Variants in QRSL1 observed in about 807,000 individuals in gnomAD.
QRSL1 encodes glutaminyl-tRNA amidotransferase subunit QRSL1.
Under a neutral mutation model 61.6 loss-of-function variants are expected in QRSL1, and 54 were observed. That is an observed-to-expected ratio of 0.88 (90% CI 0.70 to 1.10). The LOEUF (loss-of-function observed/expected upper bound fraction) is 1.10. Among genes scored for constraint, QRSL1 ranks in the 50% least tolerant of loss-of-function variants. The pLI, the probability that QRSL1 is intolerant of heterozygous loss-of-function variation, is 0.00. For missense variants in QRSL1, 505 were observed against 622.6 expected (o/e 0.81, Z 2.01); for synonymous variants, 228 against 225.7 (o/e 1.01, Z -0.09).
At chr6:106,638,146 A>G (rs1217065409) in intron 1 of QRSL1, among the ~76,000 whole-genome samples, 1 of 152,136 alleles carries the variant, frequency 6.6e-6, no homozygotes, top group African/African-American at 2.4e-5. Flanking sequence ...GGGCCTGCCT[A>G]CGTATATTTG....
intron 7 of QRSL1, 118 bp from the exon 8 acceptor site, chr6:106,654,612 G>A: frequency 2.4e-6 from 2 of 827,792 alleles, no homozygotes; most frequent in Non-Finnish European, 3.7e-6. Context: ...ATTTTCTAAT[G>A]TATTACCAAA....
intron 9 of QRSL1, among the ~76,000 whole-genome samples, chr6:106,657,216 C>A (rs560146037): frequency 2.0e-5 from 3 of 151,912 alleles, no homozygotes; most frequent in Non-Finnish European, 4.4e-5. Context: ...TTGCAGTGAG[C>A]CAAGATCGTG....
At position 106,629,668 on chromosome 6, in the gene QRSL1, TG is replaced by T; in HGVS notation, c.-11del. 3 of 1,604,016 alleles carry T rather than the reference TG, an allele frequency of 1.9e-6. No individual in the cohort carries two copies. The highest frequency in any genetic ancestry group is 1.1e-5 in the South Asian group (1 of 88,654). Reference sequence around the variant, plus strand: ...TTGCCTGGCTCCTGTGGTGGCAGGCTGGGCACGAGGACCATGCTGGGCCGGA... The same window carrying T: ...TTGCCTGGCTCCTGTGGTGGCAGGCTGGCACGAGGACCATGCTGGGCCGGA... On this transcript the variant is annotated 5_prime_UTR_variant, in exon 1 of 11. Coordinates refer to ENST00000369046, the MANE Select transcript of QRSL1 (RefSeq NM_018292.5).
chr6:106,652,631 G>A, intron 7 of QRSL1, 49 bp downstream of exon 7: 6 of 1,611,592 alleles, frequency 3.7e-6, no homozygotes, highest in Non-Finnish European at 5.1e-6. Flanking sequence ...AAGTCCAATA[G>A]AGAGCACAGA....
chr6:106,661,257 G>C (rs1777351395), intron 9 of QRSL1, among the ~76,000 whole-genome samples: 1 of 152,018 alleles, frequency 6.6e-6, no homozygotes. Flanking sequence ...GGGACTACAG[G>C]CGCCCACCAC....
At position 106,658,097 on chromosome 6, in the gene QRSL1, C is replaced by A. The variant is rs577277042; in HGVS notation, c.1160+2365C>A. Among the ~76,000 whole-genome samples the A allele has an allele frequency of 1.5e-3, 222 of 152,154 alleles. 3 individuals carry two copies. In the South Asian group the frequency reaches 0.044, roughly 30 times the overall value. ...TTATCTTCTGTTTGTCCCATCTGTT[C>A]TTTTTTCTTTTAACCTTTTCTTCTG... On this transcript the variant is annotated intron_variant, in intron 9 of 10. Transcript: ENST00000369046.
chr6:106,645,262 G>A (rs957653239), intron 4 of QRSL1, among the ~76,000 whole-genome samples: 2 of 152,138 alleles, frequency 1.3e-5, no homozygotes, highest in African/African-American at 4.8e-5. Flanking sequence ...CAAGTTTAAT[G>A]GGATTTTGAT....
At chr6:106,643,230 T>C in intron 4 of QRSL1, 140 bp downstream of exon 4, 1 of 613,654 alleles carries the variant, frequency 1.6e-6, no homozygotes, top group South Asian at 2.4e-5. Flanking sequence ...GTTTAATAGA[T>C]ATATAGTCAT....
rs149312786 is a variant in QRSL1, at chr6:106,657,615, T to G, written c.1160+1883T>G. On this transcript the variant is annotated intron_variant, in intron 9 of 10. Transcript: ENST00000369046. Reference sequence around the variant, plus strand: ...CCCTAGCTCCTGAGTCAGTGCCAAGTTGGGTCAACTTGGGTAGACAAAAGT... The same window carrying G: ...CCCTAGCTCCTGAGTCAGTGCCAAGGTGGGTCAACTTGGGTAGACAAAAGT... Among the ~76,000 whole-genome samples, 28 of 152,312 alleles carry G rather than the reference T, an allele frequency of 1.8e-4. No individual in the cohort carries two copies. In the East Asian group the frequency reaches 4.4e-3, roughly 24 times the overall value.
At chr6:106,643,336 G>A (rs1239618040) in intron 4 of QRSL1, among the ~76,000 whole-genome samples, 9 of 152,138 alleles carry the variant, frequency 5.9e-5, no homozygotes, top group Admixed American at 5.9e-4. Flanking sequence ...CTTCATCAGT[G>A]AAGTAGCTTT....
Position 106,640,913 on chromosome 6 carries a change from T to G in QRSL1, c.275T>G (p.Met92Arg). 3 of 1,612,106 alleles carry G rather than the reference T, an allele frequency of 1.9e-6. No homozygotes were observed. The highest frequency in any genetic ancestry group is 2.5e-6 in the Non-Finnish European group (3 of 1,178,514). The change falls in exon 3 of 11, where the codon ATG becomes AGG. Residue 92 changes from methionine (M) to arginine (R), a missense_variant. Met to Arg is a moderately conservative substitution (Grantham distance 91). Transcript: ENST00000369046. ...SGIETTCASN[M>R]LKGYIPPYNA... is the part of the protein sequence containing the mutation. ...ATTGAGACAACATGTGCATCAAATA[T>G]GCTGAAAGGTAAAGTTTAACTGATC...
chr6:106,650,816 G>T (rs1777178888), intron 5 of QRSL1, among the ~76,000 whole-genome samples: 1 of 152,186 alleles, frequency 6.6e-6, no homozygotes, highest in Non-Finnish European at 1.5e-5. Flanking sequence ...AACGGTTATT[G>T]TGGGGGCTGT....
intron 10 of QRSL1, among the ~76,000 whole-genome samples, chr6:106,665,372 C>T (rs1001297511): frequency 1.3e-5 from 2 of 152,076 alleles, no homozygotes; most frequent in African/African-American, 4.8e-5. Flanking sequence ...ATGCATTTGT[C>T]GTTTGATGAA....
intron 4 of QRSL1, among the ~76,000 whole-genome samples, chr6:106,647,706 A>G (rs1428236515): frequency 8.9e-6 from 1 of 112,218 alleles, no homozygotes; most frequent in Non-Finnish European, 1.7e-5. Flanking sequence ...GCTAGAGTGC[A>G]GTGGCGCGAT....
At chr6:106,639,684 TCTTAGGCCC>T (rs1318869445) in intron 1 of QRSL1, among the ~76,000 whole-genome samples, 1 of 152,168 alleles carries the variant, frequency 6.6e-6, no homozygotes, top group Non-Finnish European at 1.5e-5. Context: ...CATCACTCCA[TCTTAGGCCC>T]TACTTCCTGT....
intron 4 of QRSL1, among the ~76,000 whole-genome samples, chr6:106,646,880 T>A (rs910655498): frequency 3.3e-5 from 5 of 151,554 alleles, no homozygotes; most frequent in Non-Finnish European, 7.4e-5. Flanking sequence ...TACAAAAAAT[T>A]AGCCGGGCGT....
chr6:106,639,247 T>A (rs1179822435), intron 1 of QRSL1, among the ~76,000 whole-genome samples: 1 of 148,046 alleles, frequency 6.8e-6, no homozygotes, highest in East Asian at 2.1e-4. Flanking sequence ...TGCCTCAGCC[T>A]CCCAAGTAGC....
At chr6:106,653,766 G>T (rs1007667857) in intron 7 of QRSL1, 1 of 149,502 alleles carries the variant, frequency 6.7e-6, no homozygotes. Context: ...TGAGACTGCC[G>T]TGAGCCATGA....
chr6:106,635,234 A>G lies in QRSL1; in HGVS notation c.25-5115A>G, dbSNP rs149618469. On this transcript the variant is annotated intron_variant, in intron 1 of 10. Transcript: ENST00000369046. ...AATTCCAACATTTTGGAGGTCAACA[A>G]TAGGAAGTAAAGCCAGCAAAAGAGA... Among the ~76,000 whole-genome samples, 513 of 152,324 alleles carry G rather than the reference A, an allele frequency of 3.4e-3. 5 individuals are homozygous for G. The highest frequency in any genetic ancestry group is 0.012 in the African/African-American group (481 of 41,570).
Sources: allele counts gnomAD v4.1 joint callset (sites outside exome capture counted in the v4.1 genomes callset), GRCh38; gene constraint gnomAD v4.1.1; transcripts MANE v1.5; gene names NCBI Gene and HGNC (gene_info 2026-07-23, HGNC 2026-07-21).